The following RCL1 variants were observed in gnomAD, a reference collection of about 807,000 sequenced individuals.
RCL1 encodes the protein RNA 3'-terminal phosphate cyclase-like protein.
RCL1 carries 24 observed loss-of-function variants against 42.4 expected under a neutral mutation model. The observed-to-expected ratio is 0.57, with a 90% CI of 0.41 to 0.80. The LOEUF (loss-of-function observed/expected upper bound fraction) is 0.80, where lower values mean the gene tolerates loss of function less well. Ranked by LOEUF, RCL1 falls within the 30% of genes least tolerant of loss-of-function variation. The pLI, the probability that RCL1 is intolerant of heterozygous loss-of-function variation, is 0.00. For synonymous variants in RCL1, 228 were observed against 177.3 expected, an observed-to-expected ratio of 1.29 and a Z score of -2.27; for missense variants, 578 against 467.9, an observed-to-expected ratio of 1.24 and a Z score of -2.17.
At chr9:4,858,513 T>C (rs2129757243) in intron 8 of RCL1, among the ~76,000 whole-genome samples, 1 of 152,368 alleles carries the variant, frequency 6.6e-6, no homozygotes, top group African/African-American at 2.4e-5. Context: ...GCTATGACTT[T>C]GATCTCTTTT....
chr9:4,825,528 G>A (rs1003566718), intron 2 of RCL1, among the ~76,000 whole-genome samples: 1 of 152,100 alleles, frequency 6.6e-6, no homozygotes, highest in African/African-American at 2.4e-5. Flanking sequence ...AGTGTTTAAT[G>A]TAGTAAAACC....
intron 1 of RCL1, among the ~76,000 whole-genome samples, chr9:4,814,320 G>A (rs746539803): frequency 7.2e-5 from 11 of 151,928 alleles, no homozygotes; most frequent in Non-Finnish European, 1.5e-4. Context: ...GTCTGACTTT[G>A]TTGCCCACGC....
At chr9:4,810,979 G>A (rs1036826979) in intron 1 of RCL1, among the ~76,000 whole-genome samples, 2 of 152,084 alleles carry the variant, frequency 1.3e-5, no homozygotes, top group African/African-American at 4.8e-5. Context: ...CATGTATACA[G>A]TATATAATGA....
At chr9:4,824,348 G>A (rs1188980178) in intron 2 of RCL1, among the ~76,000 whole-genome samples, 1 of 147,522 alleles carries the variant, frequency 6.8e-6, no homozygotes, top group Non-Finnish European at 1.5e-5. Context: ...GCAACATCAT[G>A]CTCTTCATAT....
chr9:4,853,611 G>A (rs777565736), intron 8 of RCL1, among the ~76,000 whole-genome samples: 82 of 152,042 alleles, frequency 5.4e-4, no homozygotes, highest in Non-Finnish European at 7.9e-4. Flanking sequence ...GTGAGCCACC[G>A]TGCCCGGCCA....
rs1818119612 is a variant in RCL1, at chr9:4,860,162, A to G, written c.1009A>G (p.Ile337Val). ...GCGGCATTTGAAGAGCTTTTTCCAGATTATGTTTAAAATTGAAACCAAGCC... is the reference window on the plus strand; with the variant it reads ...GCGGCATTTGAAGAGCTTTTTCCAGGTTATGTTTAAAATTGAAACCAAGCC... ...FLRHLKSFFQ[I>V]MFKIETKPCG... The change falls in exon 9 of 9, where the codon ATT becomes GTT. Residue 337 changes from isoleucine (I) to valine (V), a missense_variant. Physicochemically the swap from Ile to Val is conservative, Grantham distance 29. Coordinates refer to ENST00000381750, the MANE Select transcript of RCL1 (RefSeq NM_005772.5). 1 of 1,603,852 alleles carries G rather than the reference A, an allele frequency of 6.2e-7. No homozygotes were observed. The highest frequency in any genetic ancestry group is 8.5e-7 in the Non-Finnish European group (1 of 1,176,548).
intron 7 of RCL1, among the ~76,000 whole-genome samples, chr9:4,848,616 T>C (rs1195032520): frequency 1.3e-5 from 2 of 152,220 alleles, no homozygotes; most frequent in African/African-American, 4.8e-5. Flanking sequence ...TACAATATGT[T>C]TTAAAGTTAT....
At position 4,829,505 on chromosome 9, in the gene RCL1, G is replaced by T. The variant is rs143849515; in HGVS notation, c.384+2472G>T. ...TTTGGTCTTGTTCCCTGGGATGTTG[G>T]CAGCCTAACCATATAAGGATTTCCA... On this transcript the variant is annotated intron_variant, in intron 3 of 8. Coordinates refer to ENST00000381750, the MANE Select transcript of RCL1 (RefSeq NM_005772.5). 2.5e-3 allele frequency among the ~76,000 whole-genome samples: 382 copies of T among 152,296 alleles called. 1 individual carries two copies. The highest frequency in any genetic ancestry group is 8.6e-3 in the African/African-American group (356 of 41,542).
chr9:4,834,867 C>T (rs1056556915), intron 5 of RCL1, among the ~76,000 whole-genome samples: 6 of 152,162 alleles, frequency 3.9e-5, no homozygotes, highest in African/African-American at 1.4e-4. Context: ...ACTGAAGCTT[C>T]AAAAGCTTAA....
intron 1 of RCL1, among the ~76,000 whole-genome samples, chr9:4,810,174 A>G (rs1816122988): frequency 6.6e-6 from 1 of 152,046 alleles, no homozygotes; most frequent in African/African-American, 2.4e-5. Flanking sequence ...TTTGTTTTTC[A>G]TTTTTTTAAG....
chr9:4,848,717 C>G (rs1196589379), intron 7 of RCL1, among the ~76,000 whole-genome samples: 1 of 151,950 alleles, frequency 6.6e-6, no homozygotes, highest in Non-Finnish European at 1.5e-5. Context: ...AAATGAAAAA[C>G]AAAAGAAGAA....
chr9:4,805,628 A>G (rs1011300715), intron 1 of RCL1, among the ~76,000 whole-genome samples: 20 of 152,178 alleles, frequency 1.3e-4, no homozygotes, highest in African/African-American at 3.1e-4. Flanking sequence ...CCCTCATGCT[A>G]TGGGCACAGG....
intron 1 of RCL1, among the ~76,000 whole-genome samples, chr9:4,798,032 T>C (rs1379297136): frequency 6.6e-6 from 1 of 152,240 alleles, no homozygotes; most frequent in East Asian, 1.9e-4. Flanking sequence ...GCTGCTGTTT[T>C]ACTCAAGGTA....
intron 7 of RCL1, among the ~76,000 whole-genome samples, chr9:4,846,947 G>A (rs1381246967): frequency 6.7e-6 from 1 of 149,638 alleles, no homozygotes; most frequent in Non-Finnish European, 1.5e-5. Context: ...GTGCAGTGAC[G>A]TGATCTTGGC....
At chr9:4,828,649 G>A (rs1406484585) in intron 3 of RCL1, among the ~76,000 whole-genome samples, 1 of 151,714 alleles carries the variant, frequency 6.6e-6, no homozygotes, top group East Asian at 1.9e-4. Context: ...AGAGAAAGGT[G>A]CCTCAAACAG....
At chr9:4,822,967 C>A (rs1406603125) in intron 1 of RCL1, among the ~76,000 whole-genome samples, 1 of 151,916 alleles carries the variant, frequency 6.6e-6, no homozygotes, top group Non-Finnish European at 1.5e-5. Flanking sequence ...CATTCAAACA[C>A]CCTTTTAGTA....
intron 8 of RCL1, among the ~76,000 whole-genome samples, chr9:4,856,020 A>G (rs1208147975): frequency 6.6e-6 from 1 of 152,124 alleles, no homozygotes; most frequent in African/African-American, 2.4e-5. Context: ...GCTGGGTGAC[A>G]TCCTGGGAGC....
chr9:4,821,348 A>T (rs7038267), intron 1 of RCL1, among the ~76,000 whole-genome samples: 7 of 152,082 alleles, frequency 4.6e-5, no homozygotes, highest in South Asian at 2.1e-4. Context: ...TGATCAGGGC[A>T]GTCTGTTTGG....
chr9:4,844,493 C>G (rs753239747), intron 6 of RCL1, 32 bp from the exon 7 acceptor site: 9 of 1,573,618 alleles, frequency 5.7e-6, no homozygotes, highest in African/African-American at 4.1e-5. Flanking sequence ...CTTGGTTAAA[C>G]CTACTCAGTG....
Sources: allele counts gnomAD v4.1 joint callset (sites outside exome capture counted in the v4.1 genomes callset), GRCh38; gene constraint gnomAD v4.1.1; transcripts MANE v1.5; gene names NCBI Gene and HGNC (gene_info 2026-07-23, HGNC 2026-07-21).